Variants in ANO2 observed in about 807,000 individuals in gnomAD.
ANO2 encodes the protein anoctamin 2.
A neutral mutation model predicts 124.2 loss-of-function variants in ANO2; 101 were observed. The observed-to-expected ratio is 0.81, with a 90% confidence interval of 0.69 to 0.96. The LOEUF (loss-of-function observed/expected upper bound fraction) is 0.96. Among genes scored for constraint, ANO2 ranks in the 40% least tolerant of loss-of-function variants. The pLI, the probability that ANO2 is intolerant of heterozygous loss-of-function variation, is 0.00. For synonymous variants in ANO2, 486 were observed against 482.5 expected (o/e 1.01, Z -0.09); for missense variants, 1,293 against 1,274.5 (o/e 1.01, Z -0.22).
At chr12:5,735,284 A>AT (rs1950811806) in intron 13 of ANO2, among the ~76,000 whole-genome samples, 1 of 151,982 alleles carries the variant, frequency 6.6e-6, no homozygotes, top group Non-Finnish European at 1.5e-5. Context: ...TCCCATCGAG[A>AT]CTCTGGGAAC....
Position 5,635,887 on chromosome 12 carries a change from GA to G in ANO2, c.1621-541del, listed in dbSNP as rs1945991570. ...GTGGGATTTAAAATGGAGTTTTCATGAGAAGAAATAGAAAGCCATTGAAGGT... is the reference window on the plus strand; with the variant it reads ...GTGGGATTTAAAATGGAGTTTTCATGGAAGAAATAGAAAGCCATTGAAGGT... On this transcript the variant is annotated intron_variant, in intron 15 of 24. Coordinates refer to ENST00000682330, the MANE Select transcript of ANO2 (RefSeq NM_001364791.2). This position sits in a 1 kb window ranked among gnomAD's most constrained non-coding sequence, Gnocchi z 5.2. Among the ~76,000 whole-genome samples the G allele has an allele frequency of 6.6e-6, 1 of 152,160 alleles. No homozygotes were observed. The highest frequency in any genetic ancestry group is 6.5e-5 in the Admixed American group (1 of 15,268).
At chr12:5,727,244 A>G (rs566073041) in intron 14 of ANO2, among the ~76,000 whole-genome samples, 11 of 151,858 alleles carry the variant, frequency 7.2e-5, no homozygotes, top group Non-Finnish European at 1.3e-4. Flanking sequence ...AGTGTGTGGC[A>G]CCACCTCCCC....
At chr12:5,923,227 T>TACACACAC (rs1941898099) in intron 1 of ANO2, among the ~76,000 whole-genome samples, 2 of 74,112 alleles carry the variant, frequency 2.7e-5, no homozygotes, top group Non-Finnish European at 6.6e-5. Flanking sequence ...CACACACACA[T>TACACACAC]GCACACATAC....
intron 10 of ANO2, among the ~76,000 whole-genome samples, chr12:5,759,426 G>T (rs1951675653): frequency 6.6e-6 from 1 of 151,916 alleles, no homozygotes; most frequent in Non-Finnish European, 1.5e-5. Context: ...TAGAGCAGGG[G>T]TCCCCAACCC....
rs554748991 is a variant in ANO2, at chr12:5,598,222, G to A, written c.2233+1262C>T. Among the ~76,000 whole-genome samples the A allele has an allele frequency of 5.9e-5, 9 of 152,300 alleles. 1 individual carries two copies. The South Asian group carries it at 1.9e-3, about 32-fold the overall frequency. Reference sequence around the variant, plus strand: ...ACAAGTGACTAGGTGAAGGGAGCAGGAGTCATATGCAAACACAGTGATAGG... The same window carrying A: ...ACAAGTGACTAGGTGAAGGGAGCAGAAGTCATATGCAAACACAGTGATAGG... On this transcript the variant is annotated intron_variant, in intron 20 of 24. Transcript: ENST00000682330.
chr12:5,651,828 G>C (rs1946928698), intron 14 of ANO2, among the ~76,000 whole-genome samples: 1 of 152,180 alleles, frequency 6.6e-6, no homozygotes, highest in African/African-American at 2.4e-5. Flanking sequence ...TGTCATATAA[G>C]TGGATTCATA....
At chr12:5,851,268 A>C (rs1954888253) in intron 4 of ANO2, among the ~76,000 whole-genome samples, 1 of 152,204 alleles carries the variant, frequency 6.6e-6, no homozygotes, top group African/African-American at 2.4e-5. Context: ...ATTTATGCAA[A>C]ACTATGCTCT....
chr12:5,730,743 T>C (rs772560332), intron 14 of ANO2, among the ~76,000 whole-genome samples: 2 of 152,196 alleles, frequency 1.3e-5, no homozygotes, highest in African/African-American at 2.4e-5. Context: ...ATTAACAATG[T>C]TAAAGAAACT....
At chr12:5,826,746 C>A (rs1953969585) in intron 7 of ANO2, among the ~76,000 whole-genome samples, 1 of 152,134 alleles carries the variant, frequency 6.6e-6, no homozygotes, top group Non-Finnish European at 1.5e-5. Flanking sequence ...TTCTCCAGCA[C>A]TGTGCCCTGG....
At chr12:5,873,616 A>G (rs1418803497) in intron 3 of ANO2, among the ~76,000 whole-genome samples, 1 of 152,230 alleles carries the variant, frequency 6.6e-6, no homozygotes, top group African/African-American at 2.4e-5. Context: ...TGAACTGGAG[A>G]GTCCTCTCTG....
chr12:5,887,715 A>T (rs1349018534), intron 3 of ANO2, among the ~76,000 whole-genome samples: 3 of 152,118 alleles, frequency 2.0e-5, no homozygotes, highest in Non-Finnish European at 4.4e-5. Context: ...AGAGAAGCTA[A>T]CTCTTTTTTT....
intron 3 of ANO2, among the ~76,000 whole-genome samples, chr12:5,877,134 C>A (rs1214554107): frequency 6.6e-6 from 1 of 152,098 alleles, no homozygotes; most frequent in East Asian, 1.9e-4. Context: ...AGAGGTTTTG[C>A]AGATAGAATT....
At chr12:5,810,606 A>C (rs1953355913) in intron 7 of ANO2, among the ~76,000 whole-genome samples, 1 of 152,170 alleles carries the variant, frequency 6.6e-6, no homozygotes, top group African/African-American at 2.4e-5. Context: ...GATGGGAGAC[A>C]GTGAGAAGAA....
intron 23 of ANO2, among the ~76,000 whole-genome samples, chr12:5,570,023 T>C (rs953950743): frequency 2.0e-5 from 3 of 152,210 alleles, no homozygotes; most frequent in Non-Finnish European, 4.4e-5. Context: ...ATAGTAAGCT[T>C]TCCTGAGCAA....
At chr12:5,599,158 A>T (rs1437587138) in intron 20 of ANO2, among the ~76,000 whole-genome samples, 1 of 152,202 alleles carries the variant, frequency 6.6e-6, no homozygotes, top group Non-Finnish European at 1.5e-5. Flanking sequence ...AGCTTTATCA[A>T]TAATAGAAAC....
chr12:5,916,629 G>A (rs1391955515), intron 3 of ANO2, among the ~76,000 whole-genome samples: 1 of 151,186 alleles, frequency 6.6e-6, no homozygotes, highest in Non-Finnish European at 1.5e-5. Flanking sequence ...AATAATACAG[G>A]AAACTGGGAA....
chr12:5,602,296 G>A (rs191708210), intron 19 of ANO2, among the ~76,000 whole-genome samples: 1 of 151,946 alleles, frequency 6.6e-6, no homozygotes, highest in African/African-American at 2.4e-5. Context: ...CATAGCCCAG[G>A]ATGGGGTGCA....
At chr12:5,579,472 G>A (rs1200629174) in intron 20 of ANO2, among the ~76,000 whole-genome samples, 1 of 152,170 alleles carries the variant, frequency 6.6e-6, no homozygotes, top group Non-Finnish European at 1.5e-5. Flanking sequence ...GAAGCAGTGT[G>A]AGCAAAAGCA....
Position 5,677,857 on chromosome 12 carries a change from C to T in ANO2, c.1546-30056G>A, listed in dbSNP as rs566830370. Among the ~76,000 whole-genome samples the T allele has an allele frequency of 2.4e-4, 37 of 152,294 alleles. 1 individual carries two copies. In the East Asian group the frequency reaches 4.1e-3, roughly 17 times the overall value. On this transcript the variant is annotated intron_variant, in intron 14 of 24. Transcript: ENST00000682330. ...CCACTTCCAGCATGGGGGCAATTTC[C>T]TTAGACGGCTCCCCTTCTCCCATAG... is the stretch of plus-strand genomic sequence containing the variant.
Sources: gnomAD v4.1 joint callset for allele counts (sites outside exome capture counted in the v4.1 genomes callset) on GRCh38, gnomAD v4.1.1 for gene constraint, Gnocchi (gnomAD v3.1) non-coding constraint, MANE v1.5 for transcripts, NCBI Gene and HGNC (gene_info 2026-07-23, HGNC 2026-07-21) for gene names.